The following NDE1 variants were observed in gnomAD, a reference collection of about 807,000 sequenced individuals.
The protein encoded by NDE1 is nudE neurodevelopment protein 1.
NDE1 carries 28 observed loss-of-function variants against 43.4 expected under a neutral mutation model. The ratio of observed to expected loss-of-function variants is 0.65; its 90% CI spans 0.48 to 0.89. The LOEUF is 0.89. Ranked by LOEUF, NDE1 falls within the 40% of genes least tolerant of loss-of-function variation. NDE1 has a pLI of 0.00. For missense variants in NDE1, 441 were observed against 434.1 expected, an observed-to-expected ratio of 1.02 and a Z score of -0.14; for synonymous variants, 184 against 172.0, an observed-to-expected ratio of 1.07 and a Z score of -0.55.
intron 7 of NDE1, 88 bp from the exon 8 acceptor site, chr16:15,696,621 G>T: frequency 6.2e-7 from 1 of 1,607,824 alleles, no homozygotes; most frequent in Non-Finnish European, 8.5e-7. Context: ...GAGAACCACT[G>T]TCTGGGGTTC....
Position 15,725,514 on chromosome 16 carries a change from C to A in NDE1, c.*1263C>A. ...GGCCCTAAAGGTAAAAACGTCCTCT[C>A]TGTATTCTCTGGCTTTTACTCCCTA... is the stretch of plus-strand genomic sequence containing the variant. On this transcript the variant is annotated 3_prime_UTR_variant, in exon 9 of 9. Coordinates refer to ENST00000396354, the MANE Select transcript of NDE1 (RefSeq NM_017668.3). 4.8e-6 allele frequency: 2 copies of A among 421,032 alleles called. No individual in the cohort carries two copies. Among genetic ancestry groups the A allele is most frequent in the Admixed American group, 7.7e-5 (2 of 25,990 alleles). 26.1% of individuals were successfully genotyped at this position (421,032 alleles called of 1,614,324 possible). A position where few individuals can be genotyped will look rare whatever the true frequency, so the allele number is the denominator to read the frequency against.
chr16:15,709,511 C>G (rs918712907), intron 8 of NDE1, among the ~76,000 whole-genome samples: 1 of 152,114 alleles, frequency 6.6e-6, no homozygotes, highest in African/African-American at 2.4e-5. Flanking sequence ...GACGGAGTTT[C>G]ACCATGTTGG....
chr16:15,643,411 C>T lies in NDE1; in HGVS notation c.-682C>T, dbSNP rs1457916496. On this transcript the variant is annotated 5_prime_UTR_variant, in exon 1 of 10. Transcript: ENST00000396355. ...TAAGGAGGCCTTCCCCCTGGCTTCA[C>T]GTTGTGGAGTCGAAAGGAACCTTGA... The T allele has an allele frequency of 8.4e-6, 4 of 474,286 alleles. No homozygotes were observed. The East Asian group carries it at 2.9e-4, about 34-fold the overall frequency. The allele number at this position is 474,286 out of a possible 1,614,324, so 29.4% of individuals were successfully genotyped here. A position where few individuals can be genotyped will look rare whatever the true frequency, so the allele number is the denominator to read the frequency against.
At chr16:15,701,685 A>C (rs552452177) in intron 8 of NDE1, 1 of 152,290 alleles carries the variant, frequency 6.6e-6, no homozygotes, top group South Asian at 2.1e-4. Context: ...AGAACACACT[A>C]ATTTCTGGAG....
At chr16:15,714,489 T>C in intron 8 of NDE1, 1 of 277,604 alleles carries the variant, frequency 3.6e-6, no homozygotes. Flanking sequence ...GCAGCCCAGA[T>C]GGCAGCAGTG....
At chr16:15,699,899 T>C (rs1319704217) in intron 8 of NDE1, 4 of 1,271,198 alleles carry the variant, frequency 3.1e-6, no homozygotes, top group Non-Finnish European at 4.1e-6. Flanking sequence ...ACTAGGTTTT[T>C]GTTTTAAGTT....
chr16:15,696,961 A>G (rs2039047056), intron 8 of NDE1, 101 bp downstream of exon 8: 3 of 1,552,368 alleles, frequency 1.9e-6, no homozygotes. Context: ...TTTTTAAATT[A>G]TAGGATTATT....
intron 8 of NDE1, among the ~76,000 whole-genome samples, chr16:15,705,984 C>CAAAAAAAACAAAAAAA (rs2039428272): frequency 1.8e-5 from 1 of 56,768 alleles, no homozygotes; most frequent in African/African-American, 1.1e-4. Flanking sequence ...GACTCCGTCT[C>CAAAAAAAACAAAAAAA]AAAAAAAAAA....
chr16:15,691,445 C>A, intron 6 of NDE1, 122 bp downstream of exon 6: 1 of 1,160,276 alleles, frequency 8.6e-7, no homozygotes, highest in Non-Finnish European at 1.3e-6. Context: ...TGCTCTCAGG[C>A]TTTGAGCAGA....
Position 15,650,947 on chromosome 16 carries a change from C to A in NDE1, c.-44+653C>A, listed in dbSNP as rs559086843. ...CTTTGCTCCCGTCTCTGCCGCAGGA[C>A]GGTTCAGGTTTCTTCTGACAGCACT... On this transcript the variant is annotated intron_variant, in intron 1 of 8. Coordinates refer to ENST00000396354, the MANE Select transcript of NDE1 (RefSeq NM_017668.3). Among the ~76,000 whole-genome samples, 5 of 152,304 alleles carry A rather than the reference C, an allele frequency of 3.3e-5. No homozygotes were observed. In the South Asian group the frequency reaches 1.0e-3, roughly 32 times the overall value.
chr16:15,722,950 GC>G (rs1428312028), intron 8 of NDE1, among the ~76,000 whole-genome samples: 1 of 151,972 alleles, frequency 6.6e-6, no homozygotes, highest in African/African-American at 2.4e-5. Flanking sequence ...CACGATGTTG[GC>G]CAGGCTGGTC....
At chr16:15,659,037 A>T (rs943871138) in intron 1 of NDE1, among the ~76,000 whole-genome samples, 4 of 152,186 alleles carry the variant, frequency 2.6e-5, no homozygotes, top group African/African-American at 9.6e-5. Flanking sequence ...TGGGTCGGGA[A>T]ATAGCATGTT....
upstream of NDE1, among the ~76,000 whole-genome samples, chr16:15,649,103 G>A (rs1413847996): frequency 6.6e-6 from 1 of 151,442 alleles, no homozygotes; most frequent in Admixed American, 6.6e-5. Flanking sequence ...GGCTGAAGCA[G>A]GAGAATTGCT....
At chr16:15,644,545 C>T (rs1289730915) in intron 1 of NDE1, among the ~76,000 whole-genome samples, 2 of 152,038 alleles carry the variant, frequency 1.3e-5, no homozygotes, top group Non-Finnish European at 2.9e-5. Context: ...TGAGAGGCTA[C>T]GGAGGGAGGA....
intron 1 of NDE1, among the ~76,000 whole-genome samples, chr16:15,660,320 A>G (rs2036980032): frequency 6.6e-6 from 1 of 152,104 alleles, no homozygotes; most frequent in Non-Finnish European, 1.5e-5. Flanking sequence ...TCTTAAAAAA[A>G]AAATTAGCTT....
chr16:15,697,500 G>A (rs1380719500), intron 8 of NDE1, among the ~76,000 whole-genome samples: 1 of 152,072 alleles, frequency 6.6e-6, no homozygotes, highest in East Asian at 1.9e-4. Context: ...CTTGAGGTCA[G>A]GAGTTCAAAA....
chr16:15,656,608 T>A (rs1329504872), intron 1 of NDE1, among the ~76,000 whole-genome samples: 2 of 152,098 alleles, frequency 1.3e-5, no homozygotes, highest in African/African-American at 4.8e-5. Flanking sequence ...TGGCAGGATC[T>A]CTGCTCACTG....
chr16:15,670,505 A>G (rs1433847136), intron 3 of NDE1, among the ~76,000 whole-genome samples: 1 of 151,954 alleles, frequency 6.6e-6, no homozygotes, highest in Non-Finnish European at 1.5e-5. Flanking sequence ...TAAAACTACA[A>G]AATTAGCTGG....
intron 1 of NDE1, chr16:15,651,790 A>G (rs1406041222): frequency 1.3e-5 from 2 of 152,094 alleles, no homozygotes; most frequent in Non-Finnish European, 2.9e-5. Flanking sequence ...GTAGGATTAA[A>G]TGCAGATGAT....
Sources: allele counts gnomAD v4.1 joint callset (sites outside exome capture counted in the v4.1 genomes callset), GRCh38; gene constraint gnomAD v4.1.1; transcripts MANE v1.5; gene names NCBI Gene and HGNC (gene_info 2026-07-23, HGNC 2026-07-21).